Variants in DRC11 observed in about 807,000 individuals in gnomAD.
DRC11 encodes dynein regulatory complex subunit 11.
chr2:236,502,758 T>A, the DRC11 span, among the ~76,000 whole-genome samples: 1 of 151,572 alleles, frequency 6.6e-6, no homozygotes, highest in Non-Finnish European at 1.5e-5. Flanking sequence ...AGTCACTATC[T>A]GCTCCTGTCT....
chr2:236,366,974 T>G, the DRC11 span, among the ~76,000 whole-genome samples: 1 of 109,614 alleles, frequency 9.1e-6, no homozygotes, highest in Admixed American at 8.4e-5. Flanking sequence ...CACACCCGGC[T>G]ATTTTTTTTT....
chr2:236,469,663 G>A, the DRC11 span, among the ~76,000 whole-genome samples: 2 of 152,106 alleles, frequency 1.3e-5, no homozygotes, highest in African/African-American at 2.4e-5. This position sits in a 1 kb window ranked among gnomAD's most constrained non-coding sequence, Gnocchi z 5.8. Context: ...GTAATTTGTG[G>A]CTCCTTTCTC....
the DRC11 span, among the ~76,000 whole-genome samples, chr2:236,395,227 A>G: frequency 2.0e-4 from 31 of 152,280 alleles, no homozygotes; most frequent in African/African-American, 7.2e-4. Flanking sequence ...GCAGGTGGCC[A>G]GCCCAAAACA....
chr2:236,358,136 AAT>A, the DRC11 span, among the ~76,000 whole-genome samples: 2 of 115,942 alleles, frequency 1.7e-5, no homozygotes, highest in African/African-American at 6.8e-5. Context: ...ATATATTTAT[AAT>A]ATATAAATAG....
the DRC11 span, chr2:236,346,584 T>G: frequency 1.8e-5 from 3 of 168,112 alleles, no homozygotes; most frequent in African/African-American, 7.2e-5. Context: ...GGACCTCTGC[T>G]TCGGAGCTGA....
the DRC11 span, among the ~76,000 whole-genome samples, chr2:236,311,699 T>TGCGTGC: frequency 9.3e-6 from 1 of 108,042 alleles, no homozygotes; most frequent in African/African-American, 3.2e-5. This position sits in a 1 kb window ranked among gnomAD's most constrained non-coding sequence, Gnocchi z 6.9. Context: ...ATGGGGTGCG[T>TGCGTGC]GTGTGTGTGT....
chr2:236,307,961 G>A, the DRC11 span, among the ~76,000 whole-genome samples: 7 of 151,468 alleles, frequency 4.6e-5, no homozygotes, highest in Admixed American at 6.6e-5. This position sits in a 1 kb window ranked among gnomAD's most constrained non-coding sequence, Gnocchi z 7.0. Flanking sequence ...AAGCGTCCTC[G>A]TGTGCTTGCA....
At chr2:236,368,463 A>T in the DRC11 span, 1 of 586,406 alleles carries the variant, frequency 1.7e-6, no homozygotes. Context: ...CTTTTCTCAG[A>T]TAAAGGTTTG....
the DRC11 span, among the ~76,000 whole-genome samples, chr2:236,354,883 G>A: frequency 1.3e-5 from 2 of 152,316 alleles, no homozygotes; most frequent in East Asian, 3.9e-4. Flanking sequence ...TCCTGGAGAA[G>A]CCTGGCTCTC....
chr2:236,437,863 T>A, the DRC11 span, among the ~76,000 whole-genome samples: 4 of 147,838 alleles, frequency 2.7e-5, no homozygotes, highest in Admixed American at 6.7e-5. Context: ...GATGAGTAGG[T>A]TGCGAAAATT....
At chr2:236,316,241 C>A in the DRC11 span, among the ~76,000 whole-genome samples, 1 of 152,018 alleles carries the variant, frequency 6.6e-6, no homozygotes, top group Admixed American at 6.6e-5. The surrounding 1 kb of genome is among the most constrained non-coding windows in gnomAD (Gnocchi z 6.8). Flanking sequence ...TGGCTCACTG[C>A]AACCTCTGCC....
the DRC11 span, chr2:236,343,818 G>C: frequency 9.0e-7 from 1 of 1,116,320 alleles, no homozygotes; most frequent in Non-Finnish European, 1.2e-6. This position sits in a 1 kb window ranked among gnomAD's most constrained non-coding sequence, Gnocchi z 6.6. Flanking sequence ...TTTCTGAAAT[G>C]ACAGGGCAAT....
the DRC11 span, chr2:236,493,681 T>G: frequency 9.2e-7 from 1 of 1,089,752 alleles, no homozygotes; most frequent in South Asian, 1.7e-5. Flanking sequence ...CTGAAAATAA[T>G]CTAAGTGTTG....
the DRC11 span, among the ~76,000 whole-genome samples, chr2:236,397,992 A>T: frequency 3.3e-5 from 5 of 152,222 alleles, no homozygotes; most frequent in African/African-American, 1.2e-4. This position sits in a 1 kb window ranked among gnomAD's most constrained non-coding sequence, Gnocchi z 5.0. Flanking sequence ...TTTGATAGTG[A>T]CTGCTCTGCA....
the DRC11 span, among the ~76,000 whole-genome samples, chr2:236,459,625 ATACG>A: frequency 7.2e-4 from 70 of 96,714 alleles, no homozygotes; most frequent in Non-Finnish European, 1.1e-3. Context: ...AAGTATATAC[ATACG>A]TATATACGTA....
At chr2:236,451,069 T>A in the DRC11 span, among the ~76,000 whole-genome samples, 1 of 152,206 alleles carries the variant, frequency 6.6e-6, no homozygotes, top group Non-Finnish European at 1.5e-5. Flanking sequence ...TTAACACTCA[T>A]AGACTTCAAT....
the DRC11 span, among the ~76,000 whole-genome samples, chr2:236,478,389 C>T: frequency 2.2e-4 from 34 of 152,176 alleles, no homozygotes; most frequent in Middle Eastern, 3.4e-3. The surrounding 1 kb of genome is among the most constrained non-coding windows in gnomAD (Gnocchi z 5.9). Context: ...AGTTTTATTC[C>T]ATTGTCATCA....
the DRC11 span, chr2:236,503,525 A>C: frequency 5.4e-6 from 6 of 1,108,738 alleles, no homozygotes; most frequent in Non-Finnish European, 8.0e-6. This position sits in a 1 kb window ranked among gnomAD's most constrained non-coding sequence, Gnocchi z 4.9. Flanking sequence ...TTCTTCCCCA[A>C]CTGCAGTCTG....
the DRC11 span, chr2:236,419,275 G>A: frequency 6.6e-7 from 1 of 1,521,814 alleles, no homozygotes; most frequent in African/African-American, 1.4e-5. The surrounding 1 kb of genome is among the most constrained non-coding windows in gnomAD (Gnocchi z 4.8). Flanking sequence ...CAATAACCTA[G>A]TGAAAACCAA....
Sources: allele counts gnomAD v4.1 joint callset (sites outside exome capture counted in the v4.1 genomes callset), GRCh38; gene constraint gnomAD v4.1.1; non-coding constraint Gnocchi (gnomAD v3.1); transcripts MANE v1.5; gene names NCBI Gene and HGNC (gene_info 2026-07-23, HGNC 2026-07-21).